The following KCNK9 variants were observed in gnomAD, a reference collection of about 807,000 sequenced individuals.
The protein encoded by KCNK9 is potassium channel subfamily K member 9.
Under a neutral mutation model 10.8 loss-of-function variants are expected in KCNK9, and 1 was observed. The ratio of observed to expected loss-of-function variants is 0.09; its 90% CI spans 0.03 to 0.44. The LOEUF (loss-of-function observed/expected upper bound fraction) is 0.44, where lower values mean the gene tolerates loss of function less well. KCNK9 is among the 20% of genes least tolerant of loss of function. KCNK9 has a pLI of 0.97. For missense variants in KCNK9, 303 were observed against 515.0 expected, an observed-to-expected ratio of 0.59 and a Z score of 3.98; for synonymous variants, 231 against 222.7, an observed-to-expected ratio of 1.04 and a Z score of -0.33.
At chr8:139,642,398 G>A (rs568320854) in intron 1 of KCNK9, among the ~76,000 whole-genome samples, 17 of 152,298 alleles carry the variant, frequency 1.1e-4, no homozygotes, top group South Asian at 8.3e-4. Context: ...AAATTCACTC[G>A]TTTGTTCAAA....
chr8:139,693,702 C>T lies in KCNK9; in HGVS notation c.283+9008G>A, dbSNP rs1223829597. ...ATTGGGGAAAAGAGGAAGGCAGAGCCGGACTCAGGGCAGAAGGTGTGGGAA... is the reference window on the plus strand; with the variant it reads ...ATTGGGGAAAAGAGGAAGGCAGAGCTGGACTCAGGGCAGAAGGTGTGGGAA... On this transcript the variant is annotated intron_variant, in intron 1 of 1. Coordinates refer to ENST00000520439, the MANE Select transcript of KCNK9 (RefSeq NM_001282534.2). The surrounding 1 kb of genome is among the most constrained non-coding windows in gnomAD (Gnocchi z 4.1). Among the ~76,000 whole-genome samples the T allele has an allele frequency of 2.0e-5, 3 of 152,078 alleles. No individual in the cohort carries two copies. The highest frequency in any genetic ancestry group is 4.2e-4 in the South Asian group (2 of 4,816).
intron 1 of KCNK9, among the ~76,000 whole-genome samples, chr8:139,697,538 C>T (rs991201759): frequency 6.6e-6 from 1 of 151,882 alleles, no homozygotes; most frequent in Non-Finnish European, 1.5e-5. Flanking sequence ...TAAGTGAGTA[C>T]ATTGTGAATG....
chr8:139,686,729 C>A (rs1262997263), intron 1 of KCNK9, among the ~76,000 whole-genome samples: 4 of 152,200 alleles, frequency 2.6e-5, no homozygotes. Flanking sequence ...AAAACTCATT[C>A]TCCTACCTAA....
intron 1 of KCNK9, among the ~76,000 whole-genome samples, chr8:139,700,506 ACACG>A (rs767182876): frequency 7.5e-4 from 98 of 130,722 alleles, no homozygotes; most frequent in African/African-American, 1.1e-3. Flanking sequence ...ACACACACAC[ACACG>A]CGCGCGCGCG....
At chr8:139,605,690 C>T (rs1211934066) in intron 2 of KCNK9, among the ~76,000 whole-genome samples, 1 of 152,138 alleles carries the variant, frequency 6.6e-6, no homozygotes, top group Non-Finnish European at 1.5e-5. Context: ...TTGTACAACA[C>T]CACATTAAAT....
chr8:139,690,167 ACAGACTCTGAAGT>A lies in KCNK9; in HGVS notation c.283+12530_283+12542del, dbSNP rs573867345. The stretch of plus-strand genomic sequence containing the variant: ...CACTGTATGTAACAACATAGTTAGC[ACAGACTCTGAAGT>A]CAGACTTCCCGGGCATAACTCCTTT... On this transcript the variant is annotated intron_variant, in intron 1 of 1. Coordinates refer to ENST00000520439, the MANE Select transcript of KCNK9 (RefSeq NM_001282534.2). Among the ~76,000 whole-genome samples the A allele has an allele frequency of 1.7e-3, 257 of 152,364 alleles. 1 individual carries two copies. Among genetic ancestry groups the A allele is most frequent in the Middle Eastern group, 0.01 (3 of 294 alleles).
intron 1 of KCNK9, among the ~76,000 whole-genome samples, chr8:139,701,214 G>C (rs1431069370): frequency 6.6e-6 from 1 of 152,182 alleles, no homozygotes; most frequent in African/African-American, 2.4e-5. Context: ...GGAAGGGAAG[G>C]AGTCATCTGT....
At chr8:139,619,273 G>A (rs1245687243) in intron 1 of KCNK9, among the ~76,000 whole-genome samples, 174 bp from the exon 2 acceptor site, 1 of 152,054 alleles carries the variant, frequency 6.6e-6, no homozygotes, top group East Asian at 1.9e-4. Flanking sequence ...GGAGAACAAA[G>A]GAGAGCCACT....
chr8:139,671,004 G>A (rs974281868), intron 1 of KCNK9, among the ~76,000 whole-genome samples: 7 of 152,130 alleles, frequency 4.6e-5, no homozygotes, highest in Non-Finnish European at 7.3e-5. Context: ...CAAGCCATGC[G>A]GAGAACCTCG....
At chr8:139,688,546 A>G (rs1210212862) in intron 1 of KCNK9, among the ~76,000 whole-genome samples, 2 of 152,170 alleles carry the variant, frequency 1.3e-5, no homozygotes, top group African/African-American at 4.8e-5. Flanking sequence ...CCCTCCCTTG[A>G]CACATGGGGA....
chr8:139,619,555 T>G (rs1814714516), intron 1 of KCNK9, among the ~76,000 whole-genome samples: 1 of 152,190 alleles, frequency 6.6e-6, no homozygotes, highest in Non-Finnish European at 1.5e-5. Flanking sequence ...TGGATTGACA[T>G]GAAGAGTGGA....
Position 139,702,888 on chromosome 8 carries a change from C to T in KCNK9, c.105G>A (p.Met35Ile). 4.3e-6 allele frequency: 7 copies of T among 1,613,926 alleles called. No individual in the cohort carries two copies. Among genetic ancestry groups the T allele is most frequent in the Non-Finnish European group, 5.9e-6 (7 of 1,179,968 alleles). Residue 35 changes from methionine to isoleucine, a missense_variant, in exon 1 of 2, where the codon ATG (methionine) becomes ATA (isoleucine). By Grantham distance (10) the Met-to-Ile change is conservative. Transcript: ENST00000520439. The surrounding 1 kb of genome is among the most constrained non-coding windows in gnomAD (Gnocchi z 7.5). ...CGGCTTTGAGTTTCTCCTCCTCGCG[C>T]ATCTCGTGGTCCGACTCGAGGGCGT... is the stretch of plus-strand genomic sequence containing the variant. The part of the protein sequence containing the change: ...VFDALESDHE[M>I]REEEKLKAEE...
At position 139,681,245 on chromosome 8, in the gene KCNK9, G is replaced by A. The variant is rs145447885; in HGVS notation, c.283+21465C>T. Among the ~76,000 whole-genome samples the A allele has an allele frequency of 6.6e-4, 100 of 152,312 alleles. 1 individual carries two copies. The highest frequency in any genetic ancestry group is 2.2e-3 in the African/African-American group (93 of 41,576). On this transcript the variant is annotated intron_variant, in intron 1 of 1. Transcript: ENST00000520439. Reference sequence around the variant, plus strand: ...AGGCTCCAAGCTATGTCCATTCATGGTCACACAATGAGAAAGAGGCAGGGA... The same window carrying A: ...AGGCTCCAAGCTATGTCCATTCATGATCACACAATGAGAAAGAGGCAGGGA...
chr8:139,631,293 C>T (rs928512801), intron 1 of KCNK9, among the ~76,000 whole-genome samples: 6 of 152,198 alleles, frequency 3.9e-5, no homozygotes, highest in African/African-American at 1.4e-4. Context: ...TGTGGGCTGG[C>T]GCTGGGCCGG....
At chr8:139,698,168 G>C (rs1169656983) in intron 1 of KCNK9, among the ~76,000 whole-genome samples, 2 of 152,212 alleles carry the variant, frequency 1.3e-5, no homozygotes, top group Non-Finnish European at 2.9e-5. Context: ...CAGAGTTCAA[G>C]GCCCTCTGCC....
chr8:139,612,054 G>T (rs1814442673), downstream of KCNK9: 1 of 152,214 alleles, frequency 6.6e-6, no homozygotes, highest in African/African-American at 2.4e-5. Context: ...CCCAGAAGAG[G>T]ACATCGCCAA....
At chr8:139,616,468 G>A (rs550359744), downstream of KCNK9, 1 of 152,320 alleles carries the variant, frequency 6.6e-6, no homozygotes, top group African/African-American at 2.4e-5. Context: ...CCTGGACGAA[G>A]GGGAAATTTC....
At chr8:139,690,019 G>C (rs1816904705) in intron 1 of KCNK9, among the ~76,000 whole-genome samples, 2 of 152,230 alleles carry the variant, frequency 1.3e-5, no homozygotes, top group African/African-American at 4.8e-5. Flanking sequence ...CCAGTAATGG[G>C]TAAAAGCTGC....
At chr8:139,686,956 C>G (rs1222329102) in intron 1 of KCNK9, among the ~76,000 whole-genome samples, 4 of 151,846 alleles carry the variant, frequency 2.6e-5, no homozygotes, top group Non-Finnish European at 5.9e-5. Context: ...AAGAGAAAGC[C>G]TAGTAACTGT....
Sources: allele counts gnomAD v4.1 joint callset (sites outside exome capture counted in the v4.1 genomes callset), GRCh38; gene constraint gnomAD v4.1.1; non-coding constraint Gnocchi (gnomAD v3.1); transcripts MANE v1.5; gene names NCBI Gene and HGNC (gene_info 2026-07-23, HGNC 2026-07-21).